HPCA: variants seen among roughly 807,000 people sequenced by gnomAD.
HPCA encodes neuron-specific calcium-binding protein hippocalcin.
In HPCA, 4 loss-of-function variants were observed where a neutral mutation model predicts 18.2. The observed-to-expected ratio is 0.22, with a 90% CI of 0.11 to 0.50. HPCA has a LOEUF of 0.50. Ranked by LOEUF, HPCA falls within the 20% of genes least tolerant of loss-of-function variation. HPCA has a pLI of 0.97. For missense variants in HPCA, 161 were observed against 265.8 expected (o/e 0.61, Z 2.74); for synonymous variants, 93 against 103.5 (o/e 0.90, Z 0.61).
At chr1:32,890,129 T>G (rs1641430226) in intron 2 of HPCA, among the ~76,000 whole-genome samples, 1 of 152,184 alleles carries the variant, frequency 6.6e-6, no homozygotes, top group Admixed American at 6.5e-5. Flanking sequence ...TGAGGTGATG[T>G]GCCCAAAATC....
Position 32,894,413 on chromosome 1 carries a change from A to C in HPCA, c.*551A>C. On this transcript the variant is annotated 3_prime_UTR_variant, in exon 4 of 4. Coordinates refer to ENST00000373467, the MANE Select transcript of HPCA (RefSeq NM_002143.3). ...CCTGCCTTTTAGCACTTGGATACACACAGACCCACGGAGCTCTCTGTGTTT... is the reference window on the plus strand; with the variant it reads ...CCTGCCTTTTAGCACTTGGATACACCCAGACCCACGGAGCTCTCTGTGTTT... The C allele has an allele frequency of 4.8e-6, 1 of 207,816 alleles. No individual in the cohort carries two copies. The highest frequency in any genetic ancestry group is 9.8e-6 in the Non-Finnish European group (1 of 102,120). The allele number at this position is 207,816 out of a possible 1,614,324, so 12.9% of individuals were successfully genotyped here. A position where few individuals can be genotyped will look rare whatever the true frequency, so the allele number is the denominator to read the frequency against.
Position 32,889,177 on chromosome 1 carries a change from G to A in HPCA, c.279G>A (p.Ser93=), listed in dbSNP as rs982025906. Residue 93 remains serine (S), a synonymous_variant, in exon 2 of 4, where the codon TCG becomes TCA. Transcript: ENST00000373467. This position sits in a 1 kb window ranked among gnomAD's most constrained non-coding sequence, Gnocchi z 4.6. ...TCATCATTGCGCTGAGCGTGACCTC[G>A]CGCGGCCGCCTGGAGCAGAAGCTCA... ...REFIIALSVT[S]RGRLEQKLMW... 2.3e-5 allele frequency: 37 copies of A among 1,614,138 alleles called. No individual in the cohort carries two copies. Among genetic ancestry groups the A allele is most frequent in the Admixed American group, 8.3e-5 (5 of 60,008 alleles).
Position 32,894,526 on chromosome 1 carries a change from G to A in HPCA, c.*664G>A, listed in dbSNP as rs989875255. ...AGTGTCCTGCGTGGGAAAGAGACACGGTCCCCCTGGCTGAGCCCCTGTCCT... is the reference window on the plus strand; with the variant it reads ...AGTGTCCTGCGTGGGAAAGAGACACAGTCCCCCTGGCTGAGCCCCTGTCCT... On this transcript the variant is annotated 3_prime_UTR_variant, in exon 4 of 4. Transcript: ENST00000373467. The A allele has an allele frequency of 7.0e-6, 3 of 431,488 alleles. No homozygotes were observed. Among genetic ancestry groups the A allele is most frequent in the East Asian group, 3.5e-5 (1 of 28,566 alleles). 26.7% of individuals were successfully genotyped at this position (431,488 alleles called of 1,614,324 possible).
intron 2 of HPCA, among the ~76,000 whole-genome samples, chr1:32,892,701 CAGA>C (rs756628526): frequency 3.3e-5 from 5 of 152,106 alleles, no homozygotes; most frequent in Non-Finnish European, 7.4e-5. Context: ...TCTGAGGCAG[CAGA>C]AGTTTATGGG....
At position 32,894,605 on chromosome 1, in the gene HPCA, G is replaced by A; in HGVS notation, c.*743G>A. ...GCATGCAGCCAAATGGAGCATCTCT[G>A]TTCTTTTTAATAATTTCAGAATAAA... On this transcript the variant is annotated 3_prime_UTR_variant, in exon 4 of 4. Transcript: ENST00000373467. 1 of 679,872 alleles carries A rather than the reference G, an allele frequency of 1.5e-6. No individual in the cohort carries two copies. Among genetic ancestry groups the A allele is most frequent in the East Asian group, 2.8e-5 (1 of 35,576 alleles). 42.1% of individuals were successfully genotyped at this position (679,872 alleles called of 1,614,324 possible).
chr1:32,893,873 G>A lies in HPCA; in HGVS notation c.*11G>A. Reference sequence around the variant, plus strand: ...GCCTCCCAGTTCTGAGAGGAGCCAGGTTCCCCTTCCTCCCTCCCTTCACCG... The same window carrying A: ...GCCTCCCAGTTCTGAGAGGAGCCAGATTCCCCTTCCTCCCTCCCTTCACCG... On this transcript the variant is annotated 3_prime_UTR_variant, in exon 4 of 4. Coordinates refer to ENST00000373467, the MANE Select transcript of HPCA (RefSeq NM_002143.3). The surrounding 1 kb of genome is among the most constrained non-coding windows in gnomAD (Gnocchi z 7.5). 1 of 1,544,078 alleles carries A rather than the reference G, an allele frequency of 6.5e-7. No individual in the cohort carries two copies.
In HPCA at chr1:32,889,361, C is replaced by G; in HGVS notation, c.378+85C>G. 7.2e-7 allele frequency: 1 copy of G among 1,382,108 alleles called. No individual in the cohort carries two copies. The allele number at this position is 1,382,108 out of a possible 1,614,324, so 85.6% of individuals were successfully genotyped here. The stretch of plus-strand genomic sequence containing the variant: ...CCCTTTTGATCCTCTCAGCAGACCT[C>G]GTAGGCATGTGGTGGCAGGGGATAT... On this transcript the variant is annotated intron_variant, in intron 2 of 3. Transcript: ENST00000373467. This position sits in a 1 kb window ranked among gnomAD's most constrained non-coding sequence, Gnocchi z 4.6.
chr1:32,893,412 C>T lies in HPCA; in HGVS notation c.379-112C>T. The T allele has an allele frequency of 1.4e-6, 1 of 730,372 alleles. No homozygotes were observed. The highest frequency in any genetic ancestry group is 1.7e-5 in the South Asian group (1 of 59,564). 45.2% of individuals were successfully genotyped at this position (730,372 alleles called of 1,614,324 possible). ...CACGCCTCCGTGATTCCCCACTCCA[C>T]CTTGCCCAGGCGGGGGCAGCAAACG... On this transcript the variant is annotated intron_variant, in intron 2 of 3. Coordinates refer to ENST00000373467, the MANE Select transcript of HPCA (RefSeq NM_002143.3). The surrounding 1 kb of genome is among the most constrained non-coding windows in gnomAD (Gnocchi z 7.5).
intron 1 of HPCA, among the ~76,000 whole-genome samples, chr1:32,887,292 G>A (rs1641386585): frequency 6.6e-6 from 1 of 152,162 alleles, no homozygotes; most frequent in Admixed American, 6.5e-5. Context: ...GGACATAGAT[G>A]GAAAGACACG....
chr1:32,890,904 C>T (rs1043363115), intron 2 of HPCA, among the ~76,000 whole-genome samples: 2 of 152,244 alleles, frequency 1.3e-5, no homozygotes, highest in African/African-American at 4.8e-5. Context: ...GTGAGCCAGG[C>T]ATTTGACTCT....
At chr1:32,891,491 G>A (rs1570020644) in intron 2 of HPCA, among the ~76,000 whole-genome samples, 3 of 152,206 alleles carry the variant, frequency 2.0e-5, no homozygotes, top group Non-Finnish European at 1.5e-5. Flanking sequence ...TGACAGGGGT[G>A]TAAAGGTGTC....
chr1:32,893,738 C>A lies in HPCA; in HGVS notation c.485-27C>A. 6.4e-7 allele frequency: 1 copy of A among 1,556,544 alleles called. No individual in the cohort carries two copies. The highest frequency in any genetic ancestry group is 8.7e-7 in the Non-Finnish European group (1 of 1,145,478). The stretch of plus-strand genomic sequence containing the variant: ...CCCTCGCTAGGCTGCCGCCTCCTCC[C>A]CCATCACCGCTCCCCTCGCCCTGCA... On this transcript the variant is annotated intron_variant, in intron 3 of 3. Transcript: ENST00000373467. This position sits in a 1 kb window ranked among gnomAD's most constrained non-coding sequence, Gnocchi z 7.5.
At position 32,889,255 on chromosome 1, in the gene HPCA, G is replaced by A; in HGVS notation, c.357G>A (p.Glu119=). The change falls in exon 2 of 4, where the codon GAG becomes GAA. Residue 119 remains glutamate (E), a synonymous_variant. Coordinates refer to ENST00000373467, the MANE Select transcript of HPCA (RefSeq NM_002143.3). The surrounding 1 kb of genome is among the most constrained non-coding windows in gnomAD (Gnocchi z 4.6). ...ACGGCAACGGCTACATCAGCCGGGA[G>A]GAGATGCTGGAGATCGTGCAGGTGG... The part of the protein sequence containing the change: ...DLDGNGYISR[E]EMLEIVQAIY... 2.5e-6 allele frequency: 4 copies of A among 1,612,464 alleles called. No individual in the cohort carries two copies. In the South Asian group the frequency reaches 3.3e-5, roughly 13 times the overall value.
chr1:32,886,718 G>C lies in HPCA; in HGVS notation c.-22+203G>C, dbSNP rs530511785. Reference sequence around the variant, plus strand: ...GCCGAGTGGCCGGCCCCTAGGAACCGCGTTCGACCGCCCTGGAGCGCCCCC... The same window carrying C: ...GCCGAGTGGCCGGCCCCTAGGAACCCCGTTCGACCGCCCTGGAGCGCCCCC... On this transcript the variant is annotated intron_variant, in intron 1 of 3. Transcript: ENST00000373467. This position sits in a 1 kb window ranked among gnomAD's most constrained non-coding sequence, Gnocchi z 7.0. Among the ~76,000 whole-genome samples the C allele has an allele frequency of 1.8e-3, 267 of 152,186 alleles. No homozygotes were observed. Among genetic ancestry groups the C allele is most frequent in the African/African-American group, 6.3e-3 (260 of 41,546 alleles).
At chr1:32,890,025 C>T (rs896034431) in intron 2 of HPCA, among the ~76,000 whole-genome samples, 8 of 152,246 alleles carry the variant, frequency 5.3e-5, no homozygotes, top group African/African-American at 1.9e-4. Flanking sequence ...CATCTTCTAA[C>T]TAATTGATTG....
Position 32,893,664 on chromosome 1 carries a change from G to T in HPCA, c.484+35G>T. On this transcript the variant is annotated intron_variant, in intron 3 of 3. Coordinates refer to ENST00000373467, the MANE Select transcript of HPCA (RefSeq NM_002143.3). This position sits in a 1 kb window ranked among gnomAD's most constrained non-coding sequence, Gnocchi z 7.5. Reference sequence around the variant, plus strand: ...AGGGGCGGGACGGGGTGGACGGGGCGGGCGCCTTTCCCTCCCTCCCTCCCT... The same window carrying T: ...AGGGGCGGGACGGGGTGGACGGGGCTGGCGCCTTTCCCTCCCTCCCTCCCT... 1 of 1,552,236 alleles carries T rather than the reference G, an allele frequency of 6.4e-7. No homozygotes were observed. Among genetic ancestry groups the T allele is most frequent in the East Asian group, 2.3e-5 (1 of 44,120 alleles).
chr1:32,888,795 C>T, intron 1 of HPCA, 83 bp from the exon 2 acceptor site: 2 of 1,295,724 alleles, frequency 1.5e-6, no homozygotes, highest in Non-Finnish European at 2.1e-6. Flanking sequence ...TGGCTGTTGG[C>T]AGGGGGGCCC....
In HPCA at chr1:32,888,925, GC is replaced by G; in HGVS notation, c.30del (p.Glu11ArgfsTer70). On this transcript the variant is annotated frameshift_variant, in exon 2 of 4. Coordinates refer to ENST00000373467, the MANE Select transcript of HPCA (RefSeq NM_002143.3). LOFTEE classifies it high-confidence loss of function. ...TGGGCAAGCAGAACAGCAAGCTGCG[GC>G]CCGAGATGTTGCAGGACCTGCGAGA... MGKQNSKLR[P>X]EMLQDLRENT... The G allele has an allele frequency of 6.2e-7, 1 of 1,613,448 alleles. No homozygotes were observed. Among genetic ancestry groups the G allele is most frequent in the Non-Finnish European group, 8.5e-7 (1 of 1,179,654 alleles).
In HPCA at chr1:32,894,261, T is replaced by C. The variant is rs747751246; in HGVS notation, c.*399T>C. 10 of 198,796 alleles carry C rather than the reference T, an allele frequency of 5.0e-5. No individual in the cohort carries two copies. The highest frequency in any genetic ancestry group is 1.1e-4 in the Admixed American group (2 of 18,818). The allele number at this position is 198,796 out of a possible 1,614,324, so 12.3% of individuals were successfully genotyped here. On this transcript the variant is annotated 3_prime_UTR_variant, in exon 4 of 4. Transcript: ENST00000373467. ...AGGGGAGAGAAGGATTCTAGGGGTGTGGAGTTGGAGAAAGAGGCTTCCTTG... is the reference window on the plus strand; with the variant it reads ...AGGGGAGAGAAGGATTCTAGGGGTGCGGAGTTGGAGAAAGAGGCTTCCTTG...
Sources: allele counts gnomAD v4.1 joint callset (sites outside exome capture counted in the v4.1 genomes callset), GRCh38; gene constraint gnomAD v4.1.1; non-coding constraint Gnocchi (gnomAD v3.1); transcripts MANE v1.5; gene names NCBI Gene and HGNC (gene_info 2026-07-23, HGNC 2026-07-21).